Variants in TANGO6 observed in about 807,000 individuals in gnomAD.
TANGO6 encodes the protein transport and Golgi organization protein 6 homolog.
A neutral mutation model predicts 114.2 loss-of-function variants in TANGO6; 90 were observed. The observed-to-expected ratio is 0.79, with a 90% CI of 0.66 to 0.94. The LOEUF (loss-of-function observed/expected upper bound fraction) is 0.94, where lower values mean the gene tolerates loss of function less well. Ranked by LOEUF, TANGO6 falls within the 40% of genes least tolerant of loss-of-function variation. The pLI is 0.00. For synonymous variants in TANGO6, 477 were observed against 509.8 expected, an observed-to-expected ratio of 0.94 and a Z score of 0.87; for missense variants, 1,274 against 1,315.3, an observed-to-expected ratio of 0.97 and a Z score of 0.49.
intron 17 of TANGO6, among the ~76,000 whole-genome samples, chr16:69,079,049 G>T (rs1400606381): frequency 6.6e-6 from 1 of 151,830 alleles, no homozygotes; most frequent in African/African-American, 2.4e-5. Flanking sequence ...ATATAGGCTG[G>T]GTGCAGTGGC....
Position 68,857,068 on chromosome 16 carries a change from C to T in TANGO6, c.95-2816C>T, listed in dbSNP as rs773158512. Among the ~76,000 whole-genome samples the T allele has an allele frequency of 7.9e-4, 120 of 152,320 alleles. 1 individual carries two copies. The highest frequency in any genetic ancestry group is 7.0e-3 in the Admixed American group (107 of 15,294). ...AGTTTGCAGTGAGCCAAGATCGCAC[C>T]GCTGCACTCCAGCCTGGGCGACAGA... On this transcript the variant is annotated intron_variant, in intron 1 of 17. Transcript: ENST00000261778.
chr16:69,038,694 A>C (rs1465412559), intron 16 of TANGO6, among the ~76,000 whole-genome samples: 3 of 152,094 alleles, frequency 2.0e-5, no homozygotes, highest in Non-Finnish European at 4.4e-5. Context: ...ACTATATATC[A>C]GTTTTGCAAG....
chr16:68,970,462 G>A (rs1376040204), intron 14 of TANGO6, among the ~76,000 whole-genome samples: 13 of 151,892 alleles, frequency 8.6e-5, no homozygotes, highest in Admixed American at 2.6e-4. Context: ...GAGGTCAGGA[G>A]TTTGAGACCA....
intron 1 of TANGO6, among the ~76,000 whole-genome samples, chr16:68,853,937 G>A (rs1961943540): frequency 6.6e-6 from 1 of 152,056 alleles, no homozygotes; most frequent in South Asian, 2.1e-4. Flanking sequence ...CTTTTTTGAA[G>A]TATCTGAATA....
Position 68,980,082 on chromosome 16 carries a change from G to A in TANGO6, c.2842+5914G>A, listed in dbSNP as rs1036347394. On this transcript the variant is annotated intron_variant, in intron 15 of 17. Transcript: ENST00000261778. ...AGGCTGGTCTCGAACTCCTGACCTC[G>A]TGATCTGCCCGCCTCGGCCTCCCAA... Among the ~76,000 whole-genome samples the A allele has an allele frequency of 4.0e-5, 6 of 151,664 alleles. No individual in the cohort carries two copies. In the East Asian group the frequency reaches 5.8e-4, roughly 15 times the overall value.
chr16:68,848,121 G>T (rs1020349838), intron 1 of TANGO6, among the ~76,000 whole-genome samples: 1 of 151,276 alleles, frequency 6.6e-6, no homozygotes, highest in Admixed American at 6.6e-5. Flanking sequence ...ATAGAGACAG[G>T]GTCTCCCTGT....
chr16:68,877,541 T>C (rs1048674146), intron 5 of TANGO6, among the ~76,000 whole-genome samples: 1 of 151,298 alleles, frequency 6.6e-6, no homozygotes, highest in Admixed American at 6.6e-5. Context: ...ATGCCTAAAA[T>C]GAGCCTGTAT....
At chr16:68,874,371 G>A (rs74025330) in intron 4 of TANGO6, among the ~76,000 whole-genome samples, 1,939 of 152,216 alleles carry the variant, frequency 0.013, 38 homozygotes, top group African/African-American at 0.042. Context: ...GTTTGCTTCC[G>A]TTCTCTCAGG....
At chr16:68,976,699 A>C (rs1484550648) in intron 15 of TANGO6, among the ~76,000 whole-genome samples, 1 of 152,226 alleles carries the variant, frequency 6.6e-6, no homozygotes, top group Non-Finnish European at 1.5e-5. Context: ...AGTGGTGTAC[A>C]GTATCCATTT....
chr16:68,900,419 T>C lies in TANGO6; in HGVS notation c.1378-15T>C. The C allele has an allele frequency of 6.2e-7, 1 of 1,609,846 alleles. No individual in the cohort carries two copies. The highest frequency in any genetic ancestry group is 1.3e-5 in the African/African-American group (1 of 74,938). Reference sequence around the variant, plus strand: ...GCAGTCATGGGATTATTCTTCACCATTTCCTTTTTTCTAGGTGTACGTGGT... The same window carrying C: ...GCAGTCATGGGATTATTCTTCACCACTTCCTTTTTTCTAGGTGTACGTGGT... On this transcript the variant is annotated splice_polypyrimidine_tract_variant and intron_variant, in intron 7 of 17. Transcript: ENST00000261778.
chr16:69,056,209 C>A (rs887782376), intron 17 of TANGO6, among the ~76,000 whole-genome samples: 5 of 152,140 alleles, frequency 3.3e-5, no homozygotes, highest in Non-Finnish European at 7.4e-5. Context: ...TCTGCAAAAT[C>A]ATTTACATAG....
intron 11 of TANGO6, among the ~76,000 whole-genome samples, chr16:68,913,448 G>A (rs563907568): frequency 3.8e-5 from 5 of 132,490 alleles, no homozygotes; most frequent in African/African-American, 8.6e-5. Flanking sequence ...TCACTCTGTC[G>A]CCCAGGCTGG....
chr16:68,909,366 G>C lies in TANGO6; in HGVS notation c.1956G>C (p.Glu652Asp), dbSNP rs751056535. Residue 652 changes from glutamate to aspartate, a missense_variant, in exon 11 of 18, where the codon GAG becomes GAC. Glu to Asp is a conservative substitution (Grantham distance 45). Coordinates refer to ENST00000261778, the MANE Select transcript of TANGO6 (RefSeq NM_024562.2). ...LVLQLMAVLCERMSEQIFTNV... is the reference protein window; with the variant it reads ...LVLQLMAVLCDRMSEQIFTNV... ...TGCAGCTGATGGCTGTTCTGTGCGA[G>C]AGAATGTCTGAGCAGATATTCACAA... 10 of 1,582,896 alleles carry C rather than the reference G, an allele frequency of 6.3e-6. No individual in the cohort carries two copies. Among genetic ancestry groups the C allele is most frequent in the Non-Finnish European group, 8.6e-6 (10 of 1,161,988 alleles).
At chr16:68,924,373 G>C (rs1007912473) in intron 12 of TANGO6, among the ~76,000 whole-genome samples, 2 of 152,120 alleles carry the variant, frequency 1.3e-5, no homozygotes, top group Non-Finnish European at 2.9e-5. Context: ...GACCAGATCA[G>C]CTACTCGGGA....
At chr16:68,941,339 AAC>A (rs1413006024) in intron 14 of TANGO6, among the ~76,000 whole-genome samples, 5 of 152,348 alleles carry the variant, frequency 3.3e-5, no homozygotes, top group African/African-American at 1.2e-4. Flanking sequence ...AAAGTCATAA[AAC>A]AGTTAATCTC....
At position 69,058,199 on chromosome 16, in the gene TANGO6, G is replaced by C. The variant is rs150456490; in HGVS notation, c.3108+17778G>C. On this transcript the variant is annotated intron_variant, in intron 17 of 17. Transcript: ENST00000261778. Reference sequence around the variant, plus strand: ...TACCCTCCTTGGGGTGACGCGAAATGACAGCCTGGATTGATGCTCTGGGGT... The same window carrying C: ...TACCCTCCTTGGGGTGACGCGAAATCACAGCCTGGATTGATGCTCTGGGGT... Among the ~76,000 whole-genome samples, 490 of 152,268 alleles carry C rather than the reference G, an allele frequency of 3.2e-3. 4 individuals are homozygous for C. The highest frequency in any genetic ancestry group is 0.011 in the African/African-American group (475 of 41,546).
intron 15 of TANGO6, among the ~76,000 whole-genome samples, chr16:69,006,820 C>T (rs1423176729): frequency 6.6e-6 from 1 of 152,140 alleles, no homozygotes; most frequent in Non-Finnish European, 1.5e-5. Context: ...CAACCATTTA[C>T]AGTGTACACC....
chr16:68,992,993 C>A (rs1227976775), intron 15 of TANGO6, among the ~76,000 whole-genome samples: 1 of 151,840 alleles, frequency 6.6e-6, no homozygotes, highest in Non-Finnish European at 1.5e-5. Flanking sequence ...CGCTTGAATC[C>A]GGAAGGCGTA....
rs541610220 is a variant in TANGO6 at position 69,018,194 on chromosome 16, A to T, written c.2843-4634A>T. Among the ~76,000 whole-genome samples the T allele has an allele frequency of 5.7e-4, 69 of 122,006 alleles. No homozygotes were observed. The South Asian group carries it at 0.019, about 33-fold the overall frequency. 80.0% of individuals were successfully genotyped at this position (122,006 alleles called of 152,430 possible). On this transcript the variant is annotated intron_variant, in intron 15 of 17. Transcript: ENST00000261778. Reference sequence around the variant, plus strand: ...AGTCTCTCTCTGTCGCCCAGGCTGGAGTGCAGTGGTGTGATCTCGGCTCAC... The same window carrying T: ...AGTCTCTCTCTGTCGCCCAGGCTGGTGTGCAGTGGTGTGATCTCGGCTCAC...
Sources: gnomAD v4.1 joint callset for allele counts (sites outside exome capture counted in the v4.1 genomes callset) on GRCh38, gnomAD v4.1.1 for gene constraint, MANE v1.5 for transcripts, NCBI Gene and HGNC (gene_info 2026-07-23, HGNC 2026-07-21) for gene names.